The following RAB3GAP1 variants were observed in gnomAD, a reference collection of about 807,000 sequenced individuals.
RAB3GAP1 encodes rab3 GTPase-activating protein catalytic subunit.
In RAB3GAP1, 86 loss-of-function variants were observed where a neutral mutation model predicts 130.7. The ratio of observed to expected loss-of-function variants is 0.66; its 90% CI spans 0.55 to 0.79. The LOEUF is 0.79. Ranked by LOEUF, RAB3GAP1 falls within the 30% of genes least tolerant of loss-of-function variation. The pLI, the probability that RAB3GAP1 is intolerant of heterozygous loss-of-function variation, is 0.00. For missense variants in RAB3GAP1, 1,029 were observed against 1,169.4 expected (o/e 0.88, Z 1.75); for synonymous variants, 367 against 401.7 (o/e 0.91, Z 1.03).
chr2:135,103,294 C>T (rs903873203), intron 5 of RAB3GAP1, among the ~76,000 whole-genome samples: 3 of 152,062 alleles, frequency 2.0e-5, no homozygotes, highest in Admixed American at 2.0e-4. Context: ...ACCATGGCCT[C>T]CCAAAGTGCT....
chr2:135,149,722 C>T (rs1692115824), intron 17 of RAB3GAP1, among the ~76,000 whole-genome samples: 1 of 152,118 alleles, frequency 6.6e-6, no homozygotes, highest in Admixed American at 6.5e-5. Flanking sequence ...GGCTCGATCT[C>T]GGCTTGCAGC....
At chr2:135,061,531 T>C (rs556969259) in intron 3 of RAB3GAP1, among the ~76,000 whole-genome samples, 114 of 152,214 alleles carry the variant, frequency 7.5e-4, no homozygotes, top group Non-Finnish European at 1.5e-3. Context: ...TGTATTTCTG[T>C]GATGATATTA....
intron 3 of RAB3GAP1, among the ~76,000 whole-genome samples, chr2:135,060,051 A>G (rs1216385206): frequency 1.3e-5 from 2 of 152,180 alleles, no homozygotes; most frequent in African/African-American, 2.4e-5. Context: ...ACCTTTAATT[A>G]TGGAAAATTT....
chr2:135,150,146 T>G (rs994896623), intron 17 of RAB3GAP1, among the ~76,000 whole-genome samples: 1 of 152,122 alleles, frequency 6.6e-6, no homozygotes, highest in Non-Finnish European at 1.5e-5. Context: ...AAGGGAAACA[T>G]GGTAATCTTA....
At chr2:135,126,714 GGA>G (rs1691360395) in intron 11 of RAB3GAP1, 58 bp downstream of exon 11, 1 of 1,373,672 alleles carries the variant, frequency 7.3e-7, no homozygotes, top group Non-Finnish European at 1.0e-6. Context: ...CTTCCAAATC[GGA>G]GACACTGCAT....
chr2:135,068,419 A>G (rs1311352739), intron 3 of RAB3GAP1, among the ~76,000 whole-genome samples: 1 of 151,982 alleles, frequency 6.6e-6, no homozygotes, highest in East Asian at 1.9e-4. Context: ...TTTAAGGTAT[A>G]TGCCACTAAA....
At chr2:135,066,034 A>G (rs1216496233) in intron 3 of RAB3GAP1, among the ~76,000 whole-genome samples, 4 of 152,032 alleles carry the variant, frequency 2.6e-5, no homozygotes, top group African/African-American at 9.7e-5. Flanking sequence ...CAGTCTCCCA[A>G]AGTGCTGGGA....
chr2:135,090,959 A>AT lies in RAB3GAP1; in HGVS notation c.151-37dup, dbSNP rs762614770. ...TTAGTAAATATAATGATAGCTATTG[A>AT]TTAAGGTAAATATTTTGCCATTTTA... On this transcript the variant is annotated intron_variant, in intron 3 of 23. Coordinates refer to ENST00000264158, the MANE Select transcript of RAB3GAP1 (RefSeq NM_012233.3). 3 of 1,564,592 alleles carry AT rather than the reference A, an allele frequency of 1.9e-6. No individual in the cohort carries two copies. The South Asian group carries it at 3.3e-5, about 17-fold the overall frequency.
chr2:135,117,462 G>GCTTCTGCTTCTTCTGCTTCTT (rs1691012586), intron 7 of RAB3GAP1, among the ~76,000 whole-genome samples: 1 of 41,790 alleles, frequency 2.4e-5, no homozygotes, highest in African/African-American at 5.6e-5. Flanking sequence ...TTCTGCTTCT[G>GCTTCTGCTTCTTCTGCTTCTT]CTTCTGCTTC....
intron 23 of RAB3GAP1, among the ~76,000 whole-genome samples, chr2:135,167,202 C>A (rs1007751210): frequency 6.6e-6 from 1 of 151,964 alleles, no homozygotes; most frequent in Non-Finnish European, 1.5e-5. Context: ...ATATTTATAA[C>A]TTTTCTTTAA....
rs1412912433 is a variant in RAB3GAP1, at chr2:135,082,841, T to TG, written c.151-8151dup. The stretch of plus-strand genomic sequence containing the variant: ...CAGTGTAGTCATCCCTTGGTATCCT[T>TG]GGGGGGATTGGTTCCAAGACACCAT... On this transcript the variant is annotated intron_variant, in intron 3 of 23. Coordinates refer to ENST00000264158, the MANE Select transcript of RAB3GAP1 (RefSeq NM_012233.3). Among the ~76,000 whole-genome samples the TG allele has an allele frequency of 3.9e-5, 6 of 152,220 alleles. No homozygotes were observed. In the East Asian group the frequency reaches 1.2e-3, roughly 29 times the overall value.
chr2:135,081,328 ATATATATAT>A (rs1166598676), intron 3 of RAB3GAP1, among the ~76,000 whole-genome samples: 6 of 55,394 alleles, frequency 1.1e-4, no homozygotes, highest in South Asian at 1.4e-3. Context: ...AAAAAAAAAA[ATATATATAT>A]ATATATATAT....
rs186107347 is a variant in RAB3GAP1 at position 135,133,674 on chromosome 2, A to C, written c.1327-187A>C. ...TAGCTTTATCTTTTTTAATCTTAGTAGAAATCTTGAAAATGTGGGACTTCC... is the reference window on the plus strand; with the variant it reads ...TAGCTTTATCTTTTTTAATCTTAGTCGAAATCTTGAAAATGTGGGACTTCC... On this transcript the variant is annotated intron_variant, in intron 14 of 23. Transcript: ENST00000264158. Among the ~76,000 whole-genome samples, 6 of 152,306 alleles carry C rather than the reference A, an allele frequency of 3.9e-5. No individual in the cohort carries two copies. The East Asian group carries it at 1.2e-3, about 29-fold the overall frequency.
downstream of RAB3GAP1, among the ~76,000 whole-genome samples, chr2:135,173,638 G>A (rs1692922494): frequency 6.6e-6 from 1 of 152,182 alleles, no homozygotes; most frequent in Non-Finnish European, 1.5e-5. Context: ...TAGCAGGGTG[G>A]GTGCACTTAA....
At chr2:135,073,076 G>A (rs1689523651) in intron 3 of RAB3GAP1, among the ~76,000 whole-genome samples, 1 of 152,196 alleles carries the variant, frequency 6.6e-6, no homozygotes, top group Non-Finnish European at 1.5e-5. Flanking sequence ...TGAATTCAGA[G>A]GTTGGGCACA....
chr2:135,154,693 A>C (rs1212938584), intron 19 of RAB3GAP1, among the ~76,000 whole-genome samples: 1 of 152,190 alleles, frequency 6.6e-6, no homozygotes, highest in Non-Finnish European at 1.5e-5. Context: ...GAACACAGGT[A>C]GGGTTTGCTA....
chr2:135,079,590 A>G (rs1279648539), intron 3 of RAB3GAP1, among the ~76,000 whole-genome samples: 1 of 152,158 alleles, frequency 6.6e-6, no homozygotes, highest in African/African-American at 2.4e-5. Flanking sequence ...TTTGCTGTTC[A>G]ATTTCCTGCC....
At chr2:135,103,025 C>T (rs1193372438) in intron 5 of RAB3GAP1, among the ~76,000 whole-genome samples, 12 of 107,504 alleles carry the variant, frequency 1.1e-4, no homozygotes, top group African/African-American at 4.7e-4. Flanking sequence ...AAAAAAAAAT[C>T]ATTTTTGTGA....
In RAB3GAP1 at chr2:135,100,910, T is replaced by C. The variant is rs572860194; in HGVS notation, c.362+7217T>C. Among the ~76,000 whole-genome samples, 138 of 152,290 alleles carry C rather than the reference T, an allele frequency of 9.1e-4. 1 individual carries two copies. The highest frequency in any genetic ancestry group is 3.0e-3 in the African/African-American group (124 of 41,566). On this transcript the variant is annotated intron_variant, in intron 5 of 23. Transcript: ENST00000264158. ...AGACAGATTAAGTCAGGAAAATGTT[T>C]CCAGACAAGGTGATACCTCACATGA... is the stretch of plus-strand genomic sequence containing the variant.
Sources: gnomAD v4.1 joint callset for allele counts (sites outside exome capture counted in the v4.1 genomes callset) on GRCh38, gnomAD v4.1.1 for gene constraint, MANE v1.5 for transcripts, NCBI Gene and HGNC (gene_info 2026-07-23, HGNC 2026-07-21) for gene names.